The following EOGT variants were observed in gnomAD, a reference collection of about 807,000 sequenced individuals.
The protein encoded by EOGT is EGF domain-specific O-linked N-acetylglucosamine transferase.
EOGT carries 55 observed loss-of-function variants against 70.5 expected under a neutral mutation model. The observed-to-expected ratio is 0.78, with a 90% confidence interval of 0.63 to 0.98. The LOEUF is 0.98. EOGT is among the 50% of genes least tolerant of loss of function. The pLI is 0.00. For synonymous variants in EOGT, 246 were observed against 217.1 expected (o/e 1.13, Z -1.17); for missense variants, 703 against 641.9 (o/e 1.10, Z -1.03).
At position 68,977,551 on chromosome 3, in the gene EOGT, G is replaced by T; in HGVS notation, c.*67C>A. The T allele has an allele frequency of 6.5e-7, 1 of 1,527,576 alleles. No individual in the cohort carries two copies. Among genetic ancestry groups the T allele is most frequent in the South Asian group, 1.2e-5 (1 of 85,340 alleles). The allele number at this position is 1,527,576 out of a possible 1,614,324, so 94.6% of individuals were successfully genotyped here. ...ATAGGAAATAACAGATTGCTTTACT[G>T]ATTTAATTCTAAGTCTGGGTGTTGG... is the stretch of plus-strand genomic sequence containing the variant. On this transcript the variant is annotated 3_prime_UTR_variant, in exon 18 of 18. Transcript: ENST00000383701.
chr3:68,994,862 G>A (rs755003689), intron 10 of EOGT, among the ~76,000 whole-genome samples: 8 of 152,160 alleles, frequency 5.3e-5, no homozygotes, highest in Non-Finnish European at 7.4e-5. Flanking sequence ...AAAGCCTGCC[G>A]TAATTTCTCC....
At chr3:69,002,154 A>G (rs978371927) in intron 8 of EOGT, among the ~76,000 whole-genome samples, 2 of 152,100 alleles carry the variant, frequency 1.3e-5, no homozygotes, top group African/African-American at 4.8e-5. Flanking sequence ...ATGGTGCCAA[A>G]AGGAGCCGAG....
At chr3:69,010,434 G>C (rs1255598573) in intron 3 of EOGT, among the ~76,000 whole-genome samples, 1 of 152,172 alleles carries the variant, frequency 6.6e-6, no homozygotes, top group African/African-American at 2.4e-5. Context: ...TAATATGATA[G>C]ACAACATAGC....
At chr3:68,992,501 C>G (rs2091022098) in intron 10 of EOGT, among the ~76,000 whole-genome samples, 1 of 152,234 alleles carries the variant, frequency 6.6e-6, no homozygotes, top group African/African-American at 2.4e-5. Flanking sequence ...GGCAGCTCTG[C>G]CCCTGTGGTT....
chr3:68,995,191 T>C (rs1329271665), intron 10 of EOGT, among the ~76,000 whole-genome samples: 5 of 152,150 alleles, frequency 3.3e-5, no homozygotes, highest in Admixed American at 6.5e-5. Context: ...ATTCATGTCA[T>C]AGTCAGCCTG....
At chr3:68,979,934 T>C in intron 15 of EOGT, 147 bp from the exon 16 acceptor site, 1 of 643,620 alleles carries the variant, frequency 1.6e-6, no homozygotes, top group South Asian at 2.9e-5. Context: ...TTTTTGCCAA[T>C]TTCAAGTGCG....
At chr3:68,977,799 C>T (rs377589190) in intron 17 of EOGT, 35 bp from the exon 18 acceptor site, 2 of 1,588,878 alleles carry the variant, frequency 1.3e-6, no homozygotes, top group Admixed American at 1.8e-5. Flanking sequence ...ATCCATAACT[C>T]AATGAGGGCA....
At chr3:68,985,729 T>C (rs1382237084) in intron 14 of EOGT, among the ~76,000 whole-genome samples, 1 of 152,230 alleles carries the variant, frequency 6.6e-6, no homozygotes, top group Non-Finnish European at 1.5e-5. Flanking sequence ...CCTTGCAGAA[T>C]GACTTAAAAA....
intron 3 of EOGT, 66 bp from the exon 4 acceptor site, chr3:69,009,926 ACAACAAC>A (rs765828176): frequency 3.0e-5 from 18 of 592,538 alleles, no homozygotes; most frequent in South Asian, 1.6e-4. Context: ...AACAACAACA[ACAACAAC>A]AAAAAAAAAA....
At chr3:69,004,837 G>C (rs912897316) in intron 7 of EOGT, among the ~76,000 whole-genome samples, 4 of 152,122 alleles carry the variant, frequency 2.6e-5, no homozygotes, top group Non-Finnish European at 5.9e-5. Flanking sequence ...GCTGAGGTGA[G>C]AGGATCACCT....
chr3:69,010,780 G>T (rs2091556032), intron 3 of EOGT, among the ~76,000 whole-genome samples: 1 of 152,230 alleles, frequency 6.6e-6, no homozygotes, highest in African/African-American at 2.4e-5. Context: ...AGAGAGCAAA[G>T]GGAGTGGGAT....
At chr3:69,004,123 G>C (rs188533379) in intron 8 of EOGT, among the ~76,000 whole-genome samples, 1 of 152,266 alleles carries the variant, frequency 6.6e-6, no homozygotes, top group East Asian at 1.9e-4. Context: ...GCAATTGTGA[G>C]TTAATAAAAA....
chr3:68,987,405 T>G, intron 14 of EOGT, 40 bp downstream of exon 14: 1 of 1,312,588 alleles, frequency 7.6e-7, no homozygotes, highest in Non-Finnish European at 1.1e-6. Flanking sequence ...GCTCTATGAA[T>G]TGAATATGAA....
intron 10 of EOGT, among the ~76,000 whole-genome samples, chr3:68,996,387 C>T (rs199547830): frequency 2.0e-5 from 3 of 152,280 alleles, no homozygotes; most frequent in East Asian, 1.9e-4. Context: ...CTAGCTAAGT[C>T]GGCTCTCTGC....
rs1419402024 is a variant in EOGT, at chr3:68,975,839, T to C, written c.*1779A>G. On this transcript the variant is annotated 3_prime_UTR_variant, in exon 18 of 18. Transcript: ENST00000383701. ...TTTAAAGTGGGGGTCAGCAAACGTC[T>C]TCTGTAAAGGTCCAGATATTTTGTT... is the stretch of plus-strand genomic sequence containing the variant. The C allele has an allele frequency of 6.6e-6, 1 of 152,202 alleles. No homozygotes were observed. Among genetic ancestry groups the C allele is most frequent in the Non-Finnish European group, 1.5e-5 (1 of 68,028 alleles). The allele number at this position is 152,202 out of a possible 1,614,324, so 9.4% of individuals were successfully genotyped here. A position where few individuals can be genotyped will look rare whatever the true frequency, so the allele number is the denominator to read the frequency against.
At chr3:69,008,277 T>C (rs1014925908) in intron 5 of EOGT, 151 bp downstream of exon 5, 34 of 641,538 alleles carry the variant, frequency 5.3e-5, no homozygotes, top group Middle Eastern at 2.6e-4. Flanking sequence ...CAGTATGAAA[T>C]AGTCAAGTTG....
intron 10 of EOGT, among the ~76,000 whole-genome samples, chr3:68,997,515 T>A (rs2091183904): frequency 2.0e-5 from 3 of 152,196 alleles, no homozygotes; most frequent in Admixed American, 6.5e-5. Context: ...ACAACATGTG[T>A]CTGCCACCGT....
Position 68,977,690 on chromosome 3 carries a change from A to G in EOGT, c.1512T>C (p.Leu504=), listed in dbSNP as rs1476501734. The G allele has an allele frequency of 6.2e-7, 1 of 1,613,998 alleles. No homozygotes were observed. The highest frequency in any genetic ancestry group is 1.1e-5 in the South Asian group (1 of 91,034). The stretch of plus-strand genomic sequence containing the variant: ...ATACGTGGTCTGCAGCCTGAAGGAC[A>G]AGATACATAAATTCTTCTACATCGA... ...YSFDVEEFMY[L]VLQAADHVLQ... Residue 504 remains leucine, a synonymous_variant, in exon 18 of 18, where the codon CTT becomes CTC. Transcript: ENST00000383701.
Position 68,976,525 on chromosome 3 carries a change from T to G in EOGT, c.*1093A>C, listed in dbSNP as rs1340911852. On this transcript the variant is annotated 3_prime_UTR_variant, in exon 18 of 18. Coordinates refer to ENST00000383701, the MANE Select transcript of EOGT (RefSeq NM_001278689.2). ...CATGATTTAAATATGAAACATGTAA[T>G]ATAAATTAATATAGTGGCATGATTT... 1 of 152,188 alleles carries G rather than the reference T, an allele frequency of 6.6e-6. No individual in the cohort carries two copies. The highest frequency in any genetic ancestry group is 1.5e-5 in the Non-Finnish European group (1 of 68,028). The allele number at this position is 152,188 out of a possible 1,614,324, so 9.4% of individuals were successfully genotyped here. A position where few individuals can be genotyped will look rare whatever the true frequency, so the allele number is the denominator to read the frequency against.
Sources: allele counts gnomAD v4.1 joint callset (sites outside exome capture counted in the v4.1 genomes callset), GRCh38; gene constraint gnomAD v4.1.1; transcripts MANE v1.5; gene names NCBI Gene and HGNC (gene_info 2026-07-23, HGNC 2026-07-21).